RBFOX1: variants seen among roughly 807,000 people sequenced by gnomAD.
The protein encoded by RBFOX1 is RNA binding protein fox-1 homolog 1.
A neutral mutation model predicts 57.7 loss-of-function variants in RBFOX1; 8 were observed. The observed-to-expected ratio is 0.14, with a 90% confidence interval of 0.08 to 0.25. The LOEUF is 0.25. Among genes scored for constraint, RBFOX1 ranks in the 10% least tolerant of loss-of-function variants. RBFOX1 has a pLI of 1.00. For synonymous variants in RBFOX1, 326 were observed against 222.4 expected (o/e 1.47, Z -4.15); for missense variants, 611 against 548.5 (o/e 1.11, Z -1.14).
At chr16:7,360,803 A>G (rs1230260904) in intron 4 of RBFOX1, among the ~76,000 whole-genome samples, 1 of 152,126 alleles carries the variant, frequency 6.6e-6, no homozygotes, top group Non-Finnish European at 1.5e-5. Context: ...CTTTCTTCAC[A>G]CAGTGCCATT....
At chr16:7,098,920 C>A (rs1304712728) in intron 4 of RBFOX1, among the ~76,000 whole-genome samples, 1 of 152,094 alleles carries the variant, frequency 6.6e-6, no homozygotes, top group African/African-American at 2.4e-5. Flanking sequence ...GGGACTGTTA[C>A]TAGTGCCTGA....
At chr16:7,326,111 T>A (rs2096608235) in intron 4 of RBFOX1, among the ~76,000 whole-genome samples, 1 of 152,176 alleles carries the variant, frequency 6.6e-6, no homozygotes, top group African/African-American at 2.4e-5. Context: ...CTCTGTCTCA[T>A]CCCACAGGTA....
At chr16:7,034,551 G>A (rs1444234972) in intron 3 of RBFOX1, among the ~76,000 whole-genome samples, 1 of 152,124 alleles carries the variant, frequency 6.6e-6, no homozygotes, top group Non-Finnish European at 1.5e-5. Flanking sequence ...GGATGAGGCT[G>A]CCTAGAGAGC....
intron 3 of RBFOX1, among the ~76,000 whole-genome samples, chr16:6,980,600 G>C (rs2088501087): frequency 6.6e-6 from 1 of 152,164 alleles, no homozygotes; most frequent in Non-Finnish European, 1.5e-5. Flanking sequence ...AAATGGAGGT[G>C]GCAGGTTTTA....
At chr16:7,389,787 G>C (rs970618463) in intron 4 of RBFOX1, among the ~76,000 whole-genome samples, 4 of 152,062 alleles carry the variant, frequency 2.6e-5, no homozygotes, top group African/African-American at 9.7e-5. Flanking sequence ...TGAGTATATA[G>C]AATGTTCCTT....
intron 1 of RBFOX1, among the ~76,000 whole-genome samples, chr16:6,213,979 A>C (rs2097315021): frequency 6.6e-6 from 1 of 152,218 alleles, no homozygotes; most frequent in South Asian, 2.1e-4. Flanking sequence ...AAATGGCTCT[A>C]GATATTGACA....
intron 4 of RBFOX1, among the ~76,000 whole-genome samples, chr16:7,385,963 T>G (rs1439911755): frequency 1.3e-5 from 2 of 151,306 alleles, no homozygotes; most frequent in Admixed American, 1.3e-4. Flanking sequence ...TATTTATTTT[T>G]TATTTTTAGT....
intron 3 of RBFOX1, among the ~76,000 whole-genome samples, chr16:6,741,221 A>C (rs2071995576): frequency 6.6e-6 from 1 of 152,224 alleles, no homozygotes; most frequent in East Asian, 1.9e-4. Flanking sequence ...CATCTCATAA[A>C]AATTAGCTCA....
At chr16:7,662,301 G>A (rs549265724) in intron 12 of RBFOX1, among the ~76,000 whole-genome samples, 15 of 152,170 alleles carry the variant, frequency 9.9e-5, no homozygotes, top group South Asian at 6.2e-4. Flanking sequence ...CTCTTGCCCT[G>A]GTCTCCTAAT....
chr16:7,230,175 C>T (rs2093417583), intron 4 of RBFOX1, among the ~76,000 whole-genome samples: 2 of 150,588 alleles, frequency 1.3e-5, no homozygotes, highest in South Asian at 2.1e-4. Context: ...TTACTCATTT[C>T]ACTTTTTTTT....
At chr16:6,107,830 T>A (rs1366361055) in intron 1 of RBFOX1, among the ~76,000 whole-genome samples, 1 of 152,146 alleles carries the variant, frequency 6.6e-6, no homozygotes. Flanking sequence ...TACCTTACTT[T>A]GAGCACTGAG....
At chr16:5,376,628 T>C (rs1596732976) in intron 1 of RBFOX1, among the ~76,000 whole-genome samples, 1 of 152,272 alleles carries the variant, frequency 6.6e-6, no homozygotes, top group South Asian at 2.1e-4. Context: ...TCTAAGACGC[T>C]AGTGCAGCTG....
At chr16:7,043,604 A>T (rs34847115) in intron 3 of RBFOX1, among the ~76,000 whole-genome samples, 1 of 152,168 alleles carries the variant, frequency 6.6e-6, no homozygotes. Flanking sequence ...ATTGAGTTCT[A>T]TGCTGGTAAA....
chr16:7,243,344 T>C (rs1230689806), intron 4 of RBFOX1, among the ~76,000 whole-genome samples: 3 of 152,304 alleles, frequency 2.0e-5, no homozygotes, highest in Admixed American at 6.5e-5. Flanking sequence ...TGACCTTTAG[T>C]TCTTTTATGT....
intron 2 of RBFOX1, chr16:5,598,876 T>A: frequency 6.8e-7 from 1 of 1,474,114 alleles, no homozygotes; most frequent in Non-Finnish European, 9.0e-7. Context: ...CCCAACCTTT[T>A]TCTCTATTTG....
chr16:5,760,837 C>T (rs574785055), intron 3 of RBFOX1, among the ~76,000 whole-genome samples: 156 of 152,144 alleles, frequency 1.0e-3, no homozygotes, highest in Non-Finnish European at 1.8e-3. Flanking sequence ...TTACTGGGAG[C>T]AGAAAGGAGA....
intron 1 of RBFOX1, among the ~76,000 whole-genome samples, chr16:6,212,537 C>G (rs933550676): frequency 6.6e-6 from 1 of 152,048 alleles, no homozygotes; most frequent in African/African-American, 2.4e-5. Context: ...GAAACCCTGT[C>G]TCTACTAAAA....
intron 5 of RBFOX1, among the ~76,000 whole-genome samples, chr16:7,549,920 C>T (rs900158863): frequency 1.3e-5 from 2 of 152,150 alleles, no homozygotes; most frequent in South Asian, 4.2e-4. Flanking sequence ...TCATATCCTT[C>T]TCTTTTTCTT....
intron 3 of RBFOX1, among the ~76,000 whole-genome samples, chr16:6,778,191 A>T (rs1207104767): frequency 1.7e-4 from 26 of 152,156 alleles, no homozygotes; most frequent in Admixed American, 1.7e-3. Flanking sequence ...CGATTAAAAC[A>T]ATTCAGTCTC....
Sources: gnomAD v4.1 joint callset for allele counts (sites outside exome capture counted in the v4.1 genomes callset) on GRCh38, gnomAD v4.1.1 for gene constraint, MANE v1.5 for transcripts, NCBI Gene and HGNC (gene_info 2026-07-23, HGNC 2026-07-21) for gene names.